Variants in MYO10 observed in about 807,000 individuals in gnomAD.
MYO10 encodes the protein unconventional myosin-X.
MYO10 carries 133 observed loss-of-function variants against 257.3 expected under a neutral mutation model. The observed-to-expected ratio is 0.52, with a 90% CI of 0.45 to 0.60. MYO10 has a LOEUF of 0.60. MYO10 is among the 20% of genes least tolerant of loss of function. The pLI, the probability that MYO10 is intolerant of heterozygous loss-of-function variation, is 0.00. For missense variants in MYO10, 2,399 were observed against 2,635.7 expected (o/e 0.91, Z 1.97); for synonymous variants, 1,104 against 1,028.6 (o/e 1.07, Z -1.40).
chr5:16,903,485 C>A (rs1477793864), intron 1 of MYO10, among the ~76,000 whole-genome samples: 1 of 152,186 alleles, frequency 6.6e-6, no homozygotes, highest in African/African-American at 2.4e-5. Context: ...AACTTGCCCA[C>A]GGTCCCAGAG....
chr5:16,788,703 A>G (rs1741664541), intron 4 of MYO10, among the ~76,000 whole-genome samples: 1 of 152,082 alleles, frequency 6.6e-6, no homozygotes, highest in Admixed American at 6.6e-5. Flanking sequence ...GGGTGAGAAG[A>G]CAGCAGATGA....
intron 19 of MYO10, among the ~76,000 whole-genome samples, chr5:16,722,307 C>T (rs78817980): frequency 2.2e-3 from 339 of 152,280 alleles, no homozygotes; most frequent in African/African-American, 7.9e-3. Flanking sequence ...ATTCTTGCAG[C>T]GGAGCAGCTG....
At position 16,883,956 on chromosome 5, in the gene MYO10, C is replaced by G. The variant is rs2126767485; in HGVS notation, c.22-6249G>C. ...AGCCAAACATACAACTTAGTCTCAGCCCCGGAACAGGGCACTGTGCCTGCT... is the reference window on the plus strand; with the variant it reads ...AGCCAAACATACAACTTAGTCTCAGGCCCGGAACAGGGCACTGTGCCTGCT... On this transcript the variant is annotated intron_variant, in intron 1 of 40. Transcript: ENST00000513610. Among the ~76,000 whole-genome samples the G allele has an allele frequency of 1.3e-5, 2 of 152,322 alleles. 1 individual carries two copies. The highest frequency in any genetic ancestry group is 4.1e-4 in the South Asian group (2 of 4,824).
intron 2 of MYO10, among the ~76,000 whole-genome samples, chr5:16,848,645 A>G (rs779127978): frequency 4.6e-5 from 7 of 151,618 alleles, no homozygotes; most frequent in Non-Finnish European, 7.4e-5. Flanking sequence ...TATGGCTGCC[A>G]TTAGTAAACA....
chr5:16,823,403 C>CCACTG (rs1580038974), intron 2 of MYO10, among the ~76,000 whole-genome samples: 1 of 114,090 alleles, frequency 8.8e-6, no homozygotes, highest in East Asian at 2.7e-4. Context: ...CGAGATGGCA[C>CCACTG]CACTGCACTC....
chr5:16,831,834 T>A (rs529053570), intron 2 of MYO10, among the ~76,000 whole-genome samples: 1 of 152,280 alleles, frequency 6.6e-6, no homozygotes, highest in Non-Finnish European at 1.5e-5. Context: ...AACTTATTCA[T>A]ATAACCAAAC....
At chr5:16,745,480 G>GT (rs1337027626) in intron 19 of MYO10, among the ~76,000 whole-genome samples, 5 of 152,142 alleles carry the variant, frequency 3.3e-5, no homozygotes, top group African/African-American at 1.2e-4. Flanking sequence ...GAGGCCAAAA[G>GT]TTTGAGACCA....
intron 19 of MYO10, among the ~76,000 whole-genome samples, chr5:16,743,589 G>A (rs1268411175): frequency 8.6e-5 from 13 of 151,980 alleles, no homozygotes. Context: ...GTTGCAGTGA[G>A]CCGAGATTGC....
rs1470042233 is a variant in MYO10 at position 16,794,794 on chromosome 5, G to A, written c.319C>T (p.Gln107Ter). The change falls in exon 4 of 41, where the codon CAG (glutamine) becomes TAG (stop). Residue 107 changes from glutamine to a stop codon, truncating the protein, a stop_gained. Transcript: ENST00000513610. LOFTEE classifies it high-confidence loss of function. ...GSILASVNPY[Q>*]PIAGLYEPAT... ...GGCTCGTACAGCCCGGCGATGGGCTGGTAGGGGTTCACGGAGGCCAGGATG... is the reference window on the plus strand; with the variant it reads ...GGCTCGTACAGCCCGGCGATGGGCTAGTAGGGGTTCACGGAGGCCAGGATG... The A allele has an allele frequency of 1.3e-6, 2 of 1,593,908 alleles. No homozygotes were observed. The highest frequency in any genetic ancestry group is 1.7e-6 in the Non-Finnish European group (2 of 1,169,984).
intron 33 of MYO10, among the ~76,000 whole-genome samples, chr5:16,679,110 G>GA (rs1323401259): frequency 6.6e-6 from 1 of 152,212 alleles, no homozygotes; most frequent in African/African-American, 2.4e-5. Context: ...GGTGTTAATA[G>GA]AGAGACTCAG....
chr5:16,723,410 A>G (rs1739233198), intron 19 of MYO10, among the ~76,000 whole-genome samples: 1 of 152,104 alleles, frequency 6.6e-6, no homozygotes, highest in Non-Finnish European at 1.5e-5. Context: ...AAAAAATTAA[A>G]ACGATAATGA....
Position 16,701,625 on chromosome 5 carries a change from C to A in MYO10, c.2770G>T (p.Asp924Tyr), listed in dbSNP as rs765288608. The A allele has an allele frequency of 5.0e-6, 8 of 1,613,318 alleles. No homozygotes were observed. The highest frequency in any genetic ancestry group is 6.8e-6 in the Non-Finnish European group (8 of 1,179,692). ...TCCTCCAGCCTGCGGAGCTCCTGGTCCCGCCGCTCCTGCAGCTTCTGCAGG... is the reference window on the plus strand; with the variant it reads ...TCCTCCAGCCTGCGGAGCTCCTGGTACCGCCGCTCCTGCAGCTTCTGCAGG... ...ASLQKLQERR[D>Y]QELRRLEEEA... Residue 924 changes from aspartate (D) to tyrosine (Y), a missense_variant, in exon 25 of 41, where the codon GAC (aspartate) becomes TAC (tyrosine). By Grantham distance (160) the Asp-to-Tyr change is radical. Coordinates refer to ENST00000513610, the MANE Select transcript of MYO10 (RefSeq NM_012334.3). This position sits in a 1 kb window ranked among gnomAD's most constrained non-coding sequence, Gnocchi z 8.1.
chr5:16,664,390 A>AG lies in MYO10; in HGVS notation c.*2301_*2302insC, dbSNP rs1161931221. 6.6e-6 allele frequency: 1 copy of AG among 152,228 alleles called. No individual in the cohort carries two copies. 9.4% of individuals were successfully genotyped at this position (152,228 alleles called of 1,614,324 possible). On this transcript the variant is annotated 3_prime_UTR_variant, in exon 41 of 41. Coordinates refer to ENST00000513610, the MANE Select transcript of MYO10 (RefSeq NM_012334.3). ...GAGCAGTAGAAAGAAGACTTCTGTC[A>AG]AATTCTTTCTGAGCCTAAAATAAAA...
At chr5:16,827,978 C>A (rs1316913842) in intron 2 of MYO10, among the ~76,000 whole-genome samples, 1 of 152,152 alleles carries the variant, frequency 6.6e-6, no homozygotes, top group Non-Finnish European at 1.5e-5. Flanking sequence ...GGGAAGCATG[C>A]GTGGTAGAGT....
At chr5:16,879,666 C>T (rs1744704171) in intron 1 of MYO10, among the ~76,000 whole-genome samples, 1 of 152,146 alleles carries the variant, frequency 6.6e-6, no homozygotes, top group Admixed American at 6.6e-5. Context: ...ACACTGACTC[C>T]ACTTGTCTCC....
Position 16,864,769 on chromosome 5 carries a change from T to G in MYO10, c.120+12840A>C, listed in dbSNP as rs540451978. Among the ~76,000 whole-genome samples, 3 of 152,350 alleles carry G rather than the reference T, an allele frequency of 2.0e-5. No individual in the cohort carries two copies. The South Asian group carries it at 6.2e-4, about 32-fold the overall frequency. ...GAAAATTAATGGAAACATCTGACTT[T>G]CCATCTTTGAGCCACAAAATGCCAA... On this transcript the variant is annotated intron_variant, in intron 2 of 40. Coordinates refer to ENST00000513610, the MANE Select transcript of MYO10 (RefSeq NM_012334.3).
At position 16,709,291 on chromosome 5, in the gene MYO10, C is replaced by G. The variant is rs187413761; in HGVS notation, c.2169+1617G>C. On this transcript the variant is annotated intron_variant, in intron 21 of 40. Transcript: ENST00000513610. ...TAAGATTCCAGGCAGAGAGACCTATCACCTGCGGGGGGCACACCCTCAGGT... is the reference window on the plus strand; with the variant it reads ...TAAGATTCCAGGCAGAGAGACCTATGACCTGCGGGGGGCACACCCTCAGGT... 3.4e-3 allele frequency among the ~76,000 whole-genome samples: 522 copies of G among 152,294 alleles called. 3 individuals carry two copies. Among genetic ancestry groups the G allele is most frequent in the African/African-American group, 0.012 (499 of 41,570 alleles).
At chr5:16,719,958 C>T (rs928269911) in intron 19 of MYO10, among the ~76,000 whole-genome samples, 11 of 151,434 alleles carry the variant, frequency 7.3e-5, no homozygotes, top group African/African-American at 2.2e-4. Flanking sequence ...GAGTGAAACT[C>T]GGTCCCTAAA....
chr5:16,735,532 C>G (rs1382416593), intron 19 of MYO10, among the ~76,000 whole-genome samples: 1 of 151,988 alleles, frequency 6.6e-6, no homozygotes, highest in Non-Finnish European at 1.5e-5. Flanking sequence ...TAGGGAGACC[C>G]CATTTCCACC....
Sources: gnomAD v4.1 joint callset for allele counts (sites outside exome capture counted in the v4.1 genomes callset) on GRCh38, gnomAD v4.1.1 for gene constraint, Gnocchi (gnomAD v3.1) non-coding constraint, MANE v1.5 for transcripts, NCBI Gene and HGNC (gene_info 2026-07-23, HGNC 2026-07-21) for gene names.